The following KDM4C variants were observed in gnomAD, a reference collection of about 807,000 sequenced individuals.
KDM4C encodes the protein lysine-specific demethylase 4C.
KDM4C carries 81 observed loss-of-function variants against 129.3 expected under a neutral mutation model. That is an observed-to-expected ratio of 0.63 (90% CI 0.52 to 0.75). The LOEUF is 0.75. Ranked by LOEUF, KDM4C falls within the 30% of genes least tolerant of loss-of-function variation. The pLI, the probability that KDM4C is intolerant of heterozygous loss-of-function variation, is 0.00. For missense variants in KDM4C, 1,457 were observed against 1,304.0 expected (o/e 1.12, Z -1.81); for synonymous variants, 573 against 456.1 (o/e 1.26, Z -3.26).
At chr9:6,744,051 C>T (rs1428817090) in intron 1 of KDM4C, among the ~76,000 whole-genome samples, 4 of 141,452 alleles carry the variant, frequency 2.8e-5, no homozygotes, top group Non-Finnish European at 6.1e-5. Context: ...TCCGGCCCCT[C>T]TCCAGTTCTA....
intron 5 of KDM4C, among the ~76,000 whole-genome samples, chr9:6,859,228 A>G (rs1840474923): frequency 6.6e-6 from 1 of 152,170 alleles, no homozygotes; most frequent in Non-Finnish European, 1.5e-5. Flanking sequence ...CTATAATCCC[A>G]GCACTTTGGG....
At chr9:6,748,635 T>G in intron 1 of KDM4C, 1 of 834,770 alleles carries the variant, frequency 1.2e-6, no homozygotes, top group Non-Finnish European at 2.0e-6. Context: ...TAAATGTTCA[T>G]ATTGGACAAA....
At chr9:6,782,949 T>C (rs1456191777) in intron 1 of KDM4C, among the ~76,000 whole-genome samples, 1 of 152,150 alleles carries the variant, frequency 6.6e-6, no homozygotes, top group East Asian at 1.9e-4. Context: ...ATGTGAAAGA[T>C]GCTCAGGATG....
chr9:6,889,600 T>C (rs1845829736), intron 7 of KDM4C, among the ~76,000 whole-genome samples: 1 of 152,160 alleles, frequency 6.6e-6, no homozygotes, highest in Non-Finnish European at 1.5e-5. Flanking sequence ...CACCAGGCTT[T>C]TGTGAGTCTC....
intron 8 of KDM4C, among the ~76,000 whole-genome samples, chr9:6,962,692 C>T (rs1025147339): frequency 2.0e-5 from 3 of 152,080 alleles, no homozygotes; most frequent in African/African-American, 4.8e-5. Context: ...ACTGTCACAA[C>T]CCTGACTCAG....
chr9:7,076,783 C>T (rs368913737), intron 17 of KDM4C: 1 of 1,068,330 alleles, frequency 9.4e-7, no homozygotes, highest in African/African-American at 1.7e-5. Context: ...GTTTCCCTTT[C>T]CCTTTGTGAT....
chr9:7,078,348 G>C (rs1363543386), intron 17 of KDM4C, among the ~76,000 whole-genome samples: 1 of 151,352 alleles, frequency 6.6e-6, no homozygotes, highest in East Asian at 1.9e-4. Context: ...CCAGTAGGAA[G>C]GACATGGACA....
chr9:7,140,982 T>C (rs1163982432), intron 19 of KDM4C, among the ~76,000 whole-genome samples: 1 of 152,188 alleles, frequency 6.6e-6, no homozygotes, highest in African/African-American at 2.4e-5. Context: ...CAAGTGCAGC[T>C]GCTGGAGGAG....
chr9:6,869,134 A>G (rs1367404004), intron 5 of KDM4C, among the ~76,000 whole-genome samples: 2 of 152,166 alleles, frequency 1.3e-5, no homozygotes, highest in Non-Finnish European at 2.9e-5. Flanking sequence ...CAACTTTCCA[A>G]AGCTTAGTTA....
intron 5 of KDM4C, among the ~76,000 whole-genome samples, chr9:6,855,410 G>A (rs1414568616): frequency 7.7e-6 from 1 of 129,164 alleles, no homozygotes; most frequent in Admixed American, 9.1e-5. Context: ...GGTGAGCCGA[G>A]ATTGCGTCAC....
At chr9:7,016,509 C>G (rs568267834) in intron 15 of KDM4C, among the ~76,000 whole-genome samples, 28 of 145,006 alleles carry the variant, frequency 1.9e-4, no homozygotes, top group African/African-American at 5.6e-4. Flanking sequence ...TCATTGCAAC[C>G]TCCGCCTCCC....
chr9:6,824,048 C>T (rs758780301), intron 4 of KDM4C, among the ~76,000 whole-genome samples: 2 of 152,214 alleles, frequency 1.3e-5, no homozygotes, highest in East Asian at 3.8e-4. Flanking sequence ...ACTATATTCT[C>T]TGACCTAGAT....
intron 15 of KDM4C, among the ~76,000 whole-genome samples, chr9:7,020,600 G>C (rs1334879922): frequency 6.6e-6 from 1 of 152,074 alleles, no homozygotes; most frequent in Non-Finnish European, 1.5e-5. Context: ...CAATACTCTT[G>C]ATATTAGTAT....
At chr9:6,983,349 G>A (rs1241386465) in intron 9 of KDM4C, among the ~76,000 whole-genome samples, 2 of 152,114 alleles carry the variant, frequency 1.3e-5, no homozygotes, top group Admixed American at 1.3e-4. Context: ...AAGCATATAT[G>A]CCAAAGCTAT....
intron 3 of KDM4C, among the ~76,000 whole-genome samples, chr9:6,807,408 C>T (rs1315867981): frequency 6.8e-6 from 1 of 146,120 alleles, no homozygotes; most frequent in African/African-American, 2.6e-5. Context: ...AGCGTCTCCG[C>T]CCGGCCGCCA....
intron 19 of KDM4C, among the ~76,000 whole-genome samples, chr9:7,142,901 C>T (rs1841897993): frequency 6.6e-6 from 1 of 152,008 alleles, no homozygotes; most frequent in Admixed American, 6.6e-5. Context: ...TTTGAATGCA[C>T]CTGGCATCAT....
chr9:7,163,798 A>T (rs182683384), intron 19 of KDM4C, among the ~76,000 whole-genome samples: 1 of 152,180 alleles, frequency 6.6e-6, no homozygotes, highest in East Asian at 1.9e-4. Flanking sequence ...GTCAAGTCCT[A>T]TGAGGGCCAA....
chr9:6,949,212 G>A (rs1408176772), intron 8 of KDM4C, among the ~76,000 whole-genome samples: 12 of 150,920 alleles, frequency 8.0e-5, no homozygotes, highest in Admixed American at 2.6e-4. Flanking sequence ...TCTCAGACGG[G>A]GCGGCCGGGC....
At chr9:6,886,046 G>T (rs955015616) in intron 6 of KDM4C, among the ~76,000 whole-genome samples, 2 of 152,298 alleles carry the variant, frequency 1.3e-5, no homozygotes, top group Non-Finnish European at 2.9e-5. Context: ...GATTTGAGAA[G>T]TTTGATGGAT....
Sources: allele counts gnomAD v4.1 joint callset (sites outside exome capture counted in the v4.1 genomes callset), GRCh38; gene constraint gnomAD v4.1.1; transcripts MANE v1.5; gene names NCBI Gene and HGNC (gene_info 2026-07-23, HGNC 2026-07-21).